Variants in CBLB observed in about 807,000 individuals in gnomAD.
CBLB encodes the protein Cbl proto-oncogene B.
In CBLB, 31 loss-of-function variants were observed where a neutral mutation model predicts 104.9. The observed-to-expected ratio is 0.30, with a 90% CI of 0.22 to 0.40. The LOEUF (loss-of-function observed/expected upper bound fraction) is 0.40, where lower values mean the gene tolerates loss of function less well. Among genes scored for constraint, CBLB ranks in the 10% least tolerant of loss-of-function variants. CBLB has a pLI of 1.00. For synonymous variants in CBLB, 440 were observed against 422.6 expected (o/e 1.04, Z -0.51); for missense variants, 1,062 against 1,214.6 (o/e 0.87, Z 1.87).
At chr3:105,669,883 T>C (rs1296894760) in intron 18 of CBLB, among the ~76,000 whole-genome samples, 1 of 152,164 alleles carries the variant, frequency 6.6e-6, no homozygotes, top group Non-Finnish European at 1.5e-5. Context: ...CAGTATTAAT[T>C]CCATAGAGAT....
At chr3:105,815,713 T>G (rs927130564) in intron 3 of CBLB, among the ~76,000 whole-genome samples, 3 of 152,098 alleles carry the variant, frequency 2.0e-5, no homozygotes, top group African/African-American at 7.2e-5. Context: ...ACCCAAAGGA[T>G]TATAAATCAT....
intron 3 of CBLB, among the ~76,000 whole-genome samples, chr3:105,834,893 G>C (rs2088206457): frequency 6.6e-6 from 1 of 152,154 alleles, no homozygotes; most frequent in South Asian, 2.1e-4. Context: ...CAAAGGAAAA[G>C]ATCATCCATG....
intron 18 of CBLB, 58 bp from the exon 19 acceptor site, chr3:105,659,287 GATAAC>G (rs1189118839): frequency 7.5e-6 from 11 of 1,468,726 alleles, no homozygotes; most frequent in South Asian, 1.1e-5. Context: ...ATGAAGGCAA[GATAAC>G]ATAACAGCAT....
intron 3 of CBLB, among the ~76,000 whole-genome samples, chr3:105,781,903 A>G (rs774122467): frequency 1.3e-5 from 2 of 152,134 alleles, no homozygotes; most frequent in African/African-American, 4.8e-5. Flanking sequence ...AACAAACTCA[A>G]TATAAAAAGA....
intron 3 of CBLB, among the ~76,000 whole-genome samples, chr3:105,791,759 A>G (rs2081666171): frequency 6.6e-6 from 1 of 152,192 alleles, no homozygotes; most frequent in Non-Finnish European, 1.5e-5. Flanking sequence ...TGAATACAGT[A>G]CCACATGGGG....
At chr3:105,797,382 T>C (rs9819237) in intron 3 of CBLB, among the ~76,000 whole-genome samples, 1,747 of 152,238 alleles carry the variant, frequency 0.011, 29 homozygotes, top group African/African-American at 0.04. Flanking sequence ...ACTTGATGTT[T>C]AGTTCTCTCC....
intron 10 of CBLB, among the ~76,000 whole-genome samples, chr3:105,718,302 A>C (rs760542207): frequency 1.2e-4 from 18 of 152,216 alleles, no homozygotes; most frequent in Admixed American, 2.0e-4. Context: ...AAAACCAATA[A>C]GATAAATAAT....
chr3:105,867,291 G>C, intron 2 of CBLB, 119 bp downstream of exon 2: 1 of 1,008,412 alleles, frequency 9.9e-7, no homozygotes. Flanking sequence ...ATGATGAATT[G>C]AAATCAAAAG....
upstream of CBLB, chr3:105,869,109 C>T (rs1322725309): frequency 2.2e-6 from 2 of 920,812 alleles, no homozygotes; most frequent in East Asian, 8.2e-5. Flanking sequence ...CAACCGCGCA[C>T]TGCCCGACAG....
intron 3 of CBLB, among the ~76,000 whole-genome samples, chr3:105,819,030 T>A (rs893735439): frequency 6.6e-6 from 1 of 152,242 alleles, no homozygotes; most frequent in Admixed American, 6.5e-5. Flanking sequence ...TGTATAGTTA[T>A]ACAATAACTC....
chr3:105,833,343 C>T (rs999270203), intron 3 of CBLB, among the ~76,000 whole-genome samples: 3 of 152,168 alleles, frequency 2.0e-5, no homozygotes, highest in Non-Finnish European at 4.4e-5. Context: ...ATTCCAGAAT[C>T]CTGCTTCAGG....
chr3:105,656,837 A>G lies in CBLB; in HGVS notation c.*2133T>C, dbSNP rs1225038699. On this transcript the variant is annotated 3_prime_UTR_variant, in exon 19 of 19. Coordinates refer to ENST00000394030, the MANE Select transcript of CBLB (RefSeq NM_170662.5). ...TGGCCTTTAGACTGTACCTATCATCAGCAATCATAAAAAGGCCAAAATAAA... is the reference window on the plus strand; with the variant it reads ...TGGCCTTTAGACTGTACCTATCATCGGCAATCATAAAAAGGCCAAAATAAA... The G allele has an allele frequency of 1.9e-5, 4 of 207,234 alleles. No individual in the cohort carries two copies. In the East Asian group the frequency reaches 2.9e-4, roughly 15 times the overall value. 12.8% of individuals were successfully genotyped at this position (207,234 alleles called of 1,614,324 possible).
intron 2 of CBLB, among the ~76,000 whole-genome samples, chr3:105,864,063 C>A (rs2092282760): frequency 6.6e-6 from 1 of 152,182 alleles, no homozygotes; most frequent in African/African-American, 2.4e-5. Context: ...GCATTTCCAA[C>A]AAGAACACAA....
intron 17 of CBLB, chr3:105,672,069 C>T: frequency 5.2e-6 from 1 of 193,466 alleles, no homozygotes; most frequent in Non-Finnish European, 1.1e-5. Context: ...TCTAAATGCC[C>T]CTGATACAAC....
intron 9 of CBLB, among the ~76,000 whole-genome samples, chr3:105,724,575 A>T (rs2073337678): frequency 1.3e-5 from 2 of 152,150 alleles, no homozygotes; most frequent in Non-Finnish European, 2.9e-5. Flanking sequence ...AGTTGGCATA[A>T]TTAGTATAAA....
Position 105,702,476 on chromosome 3 carries a change from G to GAAAAAAAAAAAAAAAAAAAAAAGAAA in CBLB, c.1594-18_1594-17insTTTCTTTTTTTTTTTTTTTTTTTTTT. 3 of 277,060 alleles carry GAAAAAAAAAAAAAAAAAAAAAAGAAA rather than the reference G, an allele frequency of 1.1e-5. No individual in the cohort carries two copies. Among genetic ancestry groups the GAAAAAAAAAAAAAAAAAAAAAAGAAA allele is most frequent in the Admixed American group, 8.6e-5 (1 of 11,668 alleles). 17.2% of individuals were successfully genotyped at this position (277,060 alleles called of 1,614,324 possible). A position where few individuals can be genotyped will look rare whatever the true frequency, so the allele number is the denominator to read the frequency against. ...AGGAGAAGACTAAAGAAACAGAAGA[G>GAAAAAAAAAAAAAAAAAAAAAAGAAA]AAAAAAAAAAAAAAAAAAAAAAACT... On this transcript the variant is annotated splice_polypyrimidine_tract_variant and intron_variant, in intron 11 of 18. Transcript: ENST00000394030.
intron 16 of CBLB, among the ~76,000 whole-genome samples, chr3:105,679,051 T>G (rs1350402969): frequency 6.6e-6 from 1 of 152,184 alleles, no homozygotes; most frequent in Non-Finnish European, 1.5e-5. Flanking sequence ...TATAGTTTAT[T>G]CCACTGGATT....
In CBLB at chr3:105,836,967, C is replaced by CAA. The variant is rs34209714; in HGVS notation, c.419+16445_419+16446dup. ...TGCTCACATCAAAACAAAACAAGAC[C>CAA]AAAAAAAAAAAAAAATCATTTATAG... On this transcript the variant is annotated intron_variant, in intron 3 of 18. Transcript: ENST00000394030. Among the ~76,000 whole-genome samples, 246 of 145,048 alleles carry CAA rather than the reference C, an allele frequency of 1.7e-3. 1 individual carries two copies. The highest frequency in any genetic ancestry group is 4.5e-3 in the African/African-American group (175 of 39,112).
intron 14 of CBLB, among the ~76,000 whole-genome samples, chr3:105,682,824 C>T (rs527928027): frequency 4.1e-4 from 63 of 152,134 alleles, no homozygotes; most frequent in African/African-American, 1.3e-3. Context: ...ATTAATTCTT[C>T]GGAATCATAC....
Sources: gnomAD v4.1 joint callset for allele counts (sites outside exome capture counted in the v4.1 genomes callset) on GRCh38, gnomAD v4.1.1 for gene constraint, MANE v1.5 for transcripts, NCBI Gene and HGNC (gene_info 2026-07-23, HGNC 2026-07-21) for gene names.